Variants in DUSP29 observed in about 807,000 individuals in gnomAD.
DUSP29 encodes the protein atypical dual-specific protein phosphatase.
A neutral mutation model predicts 13.5 loss-of-function variants in DUSP29; 12 were observed. The ratio of observed to expected loss-of-function variants is 0.89; its 90% CI spans 0.57 to 1.44. The LOEUF is 1.44. Among genes scored for constraint, DUSP29 ranks in the 40% most tolerant of loss-of-function variants. DUSP29 has a pLI of 0.00. For synonymous variants in DUSP29, 134 were observed against 128.7 expected (o/e 1.04, Z -0.28); for missense variants, 308 against 301.1 (o/e 1.02, Z -0.17).
chr10:75,045,177 C>T (rs758800147), intron 2 of DUSP29, among the ~76,000 whole-genome samples: 6 of 152,028 alleles, frequency 3.9e-5, no homozygotes, highest in South Asian at 2.1e-4. Flanking sequence ...GTCAACGTGG[C>T]GAAACCCTGT....
intron 3 of DUSP29, 62 bp from the exon 4 acceptor site, chr10:75,038,139 G>T (rs1232671533): frequency 3.2e-6 from 5 of 1,563,258 alleles, no homozygotes; most frequent in South Asian, 2.4e-5. Flanking sequence ...GGCACAGGTA[G>T]GGCCCACTCC....
intron 2 of DUSP29, among the ~76,000 whole-genome samples, chr10:75,044,240 G>C (rs1846655992): frequency 6.6e-6 from 1 of 152,192 alleles, no homozygotes. Flanking sequence ...GTGGAGGCTG[G>C]GGTAGGCAAG....
chr10:75,059,402 G>A (rs538058553), intron 1 of DUSP29, among the ~76,000 whole-genome samples: 10 of 152,226 alleles, frequency 6.6e-5, no homozygotes, highest in Non-Finnish European at 1.2e-4. Flanking sequence ...AAGGAGACTG[G>A]AGAGAAGGAG....
At chr10:75,039,728 CTGGG>C (rs1846546046) in intron 3 of DUSP29, among the ~76,000 whole-genome samples, 1 of 152,204 alleles carries the variant, frequency 6.6e-6, no homozygotes, top group Admixed American at 6.5e-5. Flanking sequence ...CATGCACTAT[CTGGG>C]AACCTGCCTT....
intron 1 of DUSP29, among the ~76,000 whole-genome samples, chr10:75,070,347 C>T (rs1847304674): frequency 6.6e-6 from 1 of 152,172 alleles, no homozygotes; most frequent in South Asian, 2.1e-4. Context: ...ATGCCTGGGC[C>T]TCTCAATTCT....
intron 1 of DUSP29, among the ~76,000 whole-genome samples, chr10:75,067,075 A>G (rs1304662052): frequency 2.7e-5 from 4 of 148,526 alleles, no homozygotes; most frequent in Non-Finnish European, 5.9e-5. Context: ...CTCCTGCCTC[A>G]GCCTCTCCCA....
intron 2 of DUSP29, among the ~76,000 whole-genome samples, chr10:75,053,317 G>C (rs1011988559): frequency 3.3e-5 from 5 of 152,070 alleles, no homozygotes; most frequent in African/African-American, 1.2e-4. Context: ...CCTCTGCCTG[G>C]AATTTCTTTG....
intron 1 of DUSP29, among the ~76,000 whole-genome samples, chr10:75,070,151 C>A (rs1344428523): frequency 2.0e-5 from 3 of 150,704 alleles, no homozygotes; most frequent in Non-Finnish European, 4.4e-5. Context: ...AAGAAAGAAA[C>A]GTTCTAGATA....
At chr10:75,061,153 G>A (rs112746844) in intron 1 of DUSP29, among the ~76,000 whole-genome samples, 1 of 152,084 alleles carries the variant, frequency 6.6e-6, no homozygotes, top group Admixed American at 6.6e-5. Flanking sequence ...CAAAGTGTTG[G>A]GATTACAGGT....
chr10:75,038,770 G>A (rs1228707805), intron 3 of DUSP29, among the ~76,000 whole-genome samples: 1 of 152,100 alleles, frequency 6.6e-6, no homozygotes, highest in Admixed American at 6.5e-5. Context: ...GAAAAGGAGG[G>A]ACAGAGGACA....
chr10:75,054,785 T>C (rs1846919214), intron 2 of DUSP29, among the ~76,000 whole-genome samples: 1 of 152,158 alleles, frequency 6.6e-6, no homozygotes, highest in South Asian at 2.1e-4. Flanking sequence ...AAGGTTATCT[T>C]ATTAGCCTCT....
chr10:75,060,555 AAGG>A (rs1847066114), intron 1 of DUSP29, among the ~76,000 whole-genome samples: 1 of 152,154 alleles, frequency 6.6e-6, no homozygotes, highest in African/African-American at 2.4e-5. Flanking sequence ...TGGATAGATA[AAGG>A]AGAAGAATCT....
At chr10:75,055,318 A>G (rs1280708346) in intron 2 of DUSP29, among the ~76,000 whole-genome samples, 1 of 152,162 alleles carries the variant, frequency 6.6e-6, no homozygotes, top group African/African-American at 2.4e-5. Context: ...CATTTCTTAA[A>G]GTGATATTTT....
intron 1 of DUSP29, among the ~76,000 whole-genome samples, chr10:75,067,388 T>A (rs1847228435): frequency 2.0e-5 from 3 of 152,262 alleles, no homozygotes; most frequent in Non-Finnish European, 4.4e-5. Context: ...CCCTCTGACT[T>A]CAGATGAAGA....
intron 3 of DUSP29, 128 bp from the exon 4 acceptor site, chr10:75,038,205 G>T: frequency 7.9e-7 from 1 of 1,261,472 alleles, no homozygotes; most frequent in Non-Finnish European, 1.1e-6. Flanking sequence ...GTGCCCCACA[G>T]CTGCCTCTGT....
chr10:75,043,664 GGGCTAAGGGCGGAGCCTA>G (rs1439871738), intron 3 of DUSP29, 115 bp downstream of exon 3: 19 of 884,486 alleles, frequency 2.1e-5, no homozygotes, highest in Non-Finnish European at 2.7e-5. Context: ...GGGAAACCTT[GGGCTAAGGGCGGAGCCTA>G]GGCTAGGGGC....
intron 2 of DUSP29, among the ~76,000 whole-genome samples, chr10:75,052,190 A>G (rs1200590324): frequency 6.6e-6 from 1 of 151,982 alleles, no homozygotes; most frequent in Non-Finnish European, 1.5e-5. Context: ...TCAGACACTC[A>G]ATGGTTTTCT....
At chr10:75,041,695 C>G (rs984969620) in intron 3 of DUSP29, among the ~76,000 whole-genome samples, 2 of 152,230 alleles carry the variant, frequency 1.3e-5, no homozygotes, top group Non-Finnish European at 2.9e-5. Context: ...GCTCCCCATC[C>G]CTAGCCATCT....
intron 2 of DUSP29, among the ~76,000 whole-genome samples, chr10:75,057,973 C>G (rs1846998157): frequency 6.6e-6 from 1 of 152,186 alleles, no homozygotes; most frequent in South Asian, 2.1e-4. Flanking sequence ...GGCTGGGGTC[C>G]TGGCGGCAAT....
Sources: gnomAD v4.1 joint callset for allele counts (sites outside exome capture counted in the v4.1 genomes callset) on GRCh38, gnomAD v4.1.1 for gene constraint, MANE v1.5 for transcripts, NCBI Gene and HGNC (gene_info 2026-07-23, HGNC 2026-07-21) for gene names.